CSNK1G2: variants seen among roughly 807,000 people sequenced by gnomAD.
The protein encoded by CSNK1G2 is casein kinase 1 gamma 2.
CSNK1G2 carries 11 observed loss-of-function variants against 48.0 expected under a neutral mutation model. The ratio of observed to expected loss-of-function variants is 0.23; its 90% CI spans 0.14 to 0.38. The LOEUF (loss-of-function observed/expected upper bound fraction) is 0.38. Ranked by LOEUF, CSNK1G2 falls within the 10% of genes least tolerant of loss-of-function variation. The probability of loss-of-function intolerance (pLI) is 1.00; values close to 1 mark genes in which losing one functional copy is unlikely to be tolerated. For synonymous variants in CSNK1G2, 337 were observed against 254.1 expected (o/e 1.33, Z -3.10); for missense variants, 446 against 595.5 (o/e 0.75, Z 2.61).
At chr19:1,952,074 G>A (rs1456712586) in intron 1 of CSNK1G2, among the ~76,000 whole-genome samples, 2 of 152,226 alleles carry the variant, frequency 1.3e-5, no homozygotes, top group East Asian at 1.9e-4. Flanking sequence ...ATAAGGCCGT[G>A]TTCCTGTTTA....
At chr19:1,952,445 C>T (rs955299067) in intron 1 of CSNK1G2, 9 of 152,078 alleles carry the variant, frequency 5.9e-5, no homozygotes, top group African/African-American at 1.9e-4. Flanking sequence ...GCCTCAGCCT[C>T]CCGAGTAGCT....
At position 1,946,290 on chromosome 19, in the gene CSNK1G2, T is replaced by TTTA. The variant is rs2014557597; in HGVS notation, c.-266+4875_-266+4877dup. 6.4e-4 allele frequency among the ~76,000 whole-genome samples: 44 copies of TTTA among 69,198 alleles called. 1 individual carries two copies. The highest frequency in any genetic ancestry group is 3.1e-3 in the Admixed American group (21 of 6,878). 45.4% of individuals were successfully genotyped at this position (69,198 alleles called of 152,430 possible). A position where few individuals can be genotyped will look rare whatever the true frequency, so the allele number is the denominator to read the frequency against. ...CGTTTATTTATTTATTTATTTATTTTTTATTTATTTATTTTTTTTAAGATG... is the reference window on the plus strand; with the variant it reads ...CGTTTATTTATTTATTTATTTATTTTTTATTATTTATTTATTTTTTTTAAGATG... On this transcript the variant is annotated intron_variant, in intron 1 of 11. Coordinates refer to ENST00000255641, the MANE Select transcript of CSNK1G2 (RefSeq NM_001319.7).
intron 1 of CSNK1G2, among the ~76,000 whole-genome samples, chr19:1,948,114 C>T (rs1178242384): frequency 6.6e-6 from 1 of 152,152 alleles, no homozygotes; most frequent in East Asian, 1.9e-4. Context: ...GCCCTGGGCT[C>T]AGACTTGATC....
At chr19:1,960,750 A>G (rs974317132) in intron 1 of CSNK1G2, among the ~76,000 whole-genome samples, 1 of 152,044 alleles carries the variant, frequency 6.6e-6, no homozygotes, top group Admixed American at 6.5e-5. Flanking sequence ...TTAACCGGGC[A>G]TGGTGGCACA....
chr19:1,942,192 C>T (rs925655142), intron 1 of CSNK1G2, among the ~76,000 whole-genome samples: 3 of 152,166 alleles, frequency 2.0e-5, no homozygotes, highest in East Asian at 1.9e-4. Flanking sequence ...ACGCACGGAT[C>T]AGGGAGGGAG....
chr19:1,958,506 T>C (rs1212091325), intron 1 of CSNK1G2, among the ~76,000 whole-genome samples: 2 of 93,172 alleles, frequency 2.1e-5, no homozygotes, highest in African/African-American at 8.1e-5. Flanking sequence ...CCGCAGCAGC[T>C]CAGCTCTCCC....
chr19:1,946,167 A>G (rs1233221224), intron 1 of CSNK1G2, among the ~76,000 whole-genome samples: 1 of 152,078 alleles, frequency 6.6e-6, no homozygotes, highest in East Asian at 1.9e-4. Context: ...TCTGTGTCTC[A>G]GGCCGCGCAG....
chr19:1,952,819 C>T (rs2014819532), intron 1 of CSNK1G2: 8 of 329,926 alleles, frequency 2.4e-5, no homozygotes, highest in South Asian at 1.7e-4. Flanking sequence ...GCCTAGGGCT[C>T]CCCGGGGAGT....
In CSNK1G2 at chr19:1,978,135, T is replaced by C. The variant is rs2015824512; in HGVS notation, c.188-170T>C. On this transcript the variant is annotated intron_variant, in intron 2 of 11. Transcript: ENST00000255641. The surrounding 1 kb of genome is among the most constrained non-coding windows in gnomAD (Gnocchi z 7.3). ...GGTGTCGGGATGACTTGGCAGGCCA[T>C]GGTGCAGTGCTCTGGCAGGCTGGGC... Among the ~76,000 whole-genome samples, 2 of 151,656 alleles carry C rather than the reference T, an allele frequency of 1.3e-5. No individual in the cohort carries two copies. The highest frequency in any genetic ancestry group is 6.6e-5 in the Admixed American group (1 of 15,246).
At chr19:1,973,874 C>T (rs751008837) in intron 2 of CSNK1G2, among the ~76,000 whole-genome samples, 9 of 151,968 alleles carry the variant, frequency 5.9e-5, no homozygotes, top group Non-Finnish European at 1.2e-4. Flanking sequence ...CAGACTGGGT[C>T]ATTTATTTTT....
rs114191731 is a variant in CSNK1G2, at chr19:1,980,575, G to A, written c.*372G>A. On this transcript the variant is annotated 3_prime_UTR_variant, in exon 12 of 12. Transcript: ENST00000255641. ...AGGCCCCCCGGCCTGGCCCCGCCCC[G>A]CCAGCCGCCCCCGTTAGCGTCATAA... 4.8e-3 allele frequency: 1,381 copies of A among 288,668 alleles called. 15 individuals are homozygous for A. Among genetic ancestry groups the A allele is most frequent in the African/African-American group, 0.029 (1,290 of 44,004 alleles). The allele number at this position is 288,668 out of a possible 1,614,324, so 17.9% of individuals were successfully genotyped here.
intron 1 of CSNK1G2, among the ~76,000 whole-genome samples, chr19:1,948,867 G>T (rs2014666107): frequency 6.6e-6 from 1 of 152,240 alleles, no homozygotes. Flanking sequence ...TGTTGTGTTA[G>T]GTGCTGCGTT....
At chr19:1,976,258 C>G (rs2145589817) in intron 2 of CSNK1G2, 9 of 469,324 alleles carry the variant, frequency 1.9e-5, no homozygotes, top group Non-Finnish European at 3.3e-5. Context: ...CGGGGACCAG[C>G]CCTGGTCCCC....
rs529665251 is a variant in CSNK1G2, at chr19:1,958,296, G to A, written c.-265-11212G>A. ...CCTCGCTTCGTCCTTTTTGGGCAGC[G>A]AGTGTGTATGTTAGGGGAACAGGAG... On this transcript the variant is annotated intron_variant, in intron 1 of 11. Coordinates refer to ENST00000255641, the MANE Select transcript of CSNK1G2 (RefSeq NM_001319.7). Among the ~76,000 whole-genome samples, 7 of 152,148 alleles carry A rather than the reference G, an allele frequency of 4.6e-5. No individual in the cohort carries two copies. The East Asian group carries it at 9.7e-4, about 21-fold the overall frequency.
intron 1 of CSNK1G2, among the ~76,000 whole-genome samples, chr19:1,968,019 T>C (rs868239415): frequency 3.3e-5 from 1 of 30,024 alleles, no homozygotes; most frequent in African/African-American, 1.2e-4. Context: ...GTTCTGCAGG[T>C]GGGGGCTCCT....
Position 1,941,218 on chromosome 19 carries a change from G to GAGCGCGGCGAGCCCGGCGC in CSNK1G2, c.-465_-447dup, listed in dbSNP as rs1376853568. On this transcript the variant is annotated 5_prime_UTR_variant, in exon 1 of 12. Coordinates refer to ENST00000255641, the MANE Select transcript of CSNK1G2 (RefSeq NM_001319.7). ...CGCGGGCCCCGGAGCGGGCGCGGCG[G>GAGCGCGGCGAGCCCGGCGC]AGCGCGGCGAGCCCGGCGCCTCCCG... The GAGCGCGGCGAGCCCGGCGC allele has an allele frequency of 3.6e-4, 53 of 146,328 alleles. 1 individual carries two copies. Among genetic ancestry groups the GAGCGCGGCGAGCCCGGCGC allele is most frequent in the Admixed American group, 3.3e-3 (49 of 14,746 alleles). 9.1% of individuals were successfully genotyped at this position (146,328 alleles called of 1,614,324 possible).
intron 7 of CSNK1G2, 30 bp downstream of exon 7, chr19:1,979,278 G>A (rs1236082030): frequency 1.3e-6 from 2 of 1,570,144 alleles, no homozygotes; most frequent in Non-Finnish European, 1.7e-6. Context: ...AGGCGGGCGG[G>A]GACGCAGGGC....
At chr19:1,945,061 C>T (rs2014504318) in intron 1 of CSNK1G2, among the ~76,000 whole-genome samples, 1 of 152,252 alleles carries the variant, frequency 6.6e-6, no homozygotes, top group Non-Finnish European at 1.5e-5. Flanking sequence ...CATGCTGTCC[C>T]CCAGGCACTG....
intron 1 of CSNK1G2, among the ~76,000 whole-genome samples, chr19:1,967,360 C>T (rs1658500469): frequency 2.0e-5 from 3 of 152,154 alleles, no homozygotes; most frequent in Admixed American, 2.0e-4. Flanking sequence ...TGCCGGTTGG[C>T]AGGAAACCTC....
Sources: gnomAD v4.1 joint callset for allele counts (sites outside exome capture counted in the v4.1 genomes callset) on GRCh38, gnomAD v4.1.1 for gene constraint, Gnocchi (gnomAD v3.1) non-coding constraint, MANE v1.5 for transcripts, NCBI Gene and HGNC (gene_info 2026-07-23, HGNC 2026-07-21) for gene names.